The following ARHGAP20 variants were observed in gnomAD, a reference collection of about 807,000 sequenced individuals.
ARHGAP20 encodes the protein Rho GTPase activating protein 20, also known as rho GTPase-activating protein 20.
A neutral mutation model predicts 73.7 loss-of-function variants in ARHGAP20; 34 were observed. The ratio of observed to expected loss-of-function variants is 0.46; its 90% confidence interval spans 0.35 to 0.61. The LOEUF is 0.61. Ranked by LOEUF, ARHGAP20 falls within the 20% of genes least tolerant of loss-of-function variation. ARHGAP20 has a pLI of 0.00. For synonymous variants in ARHGAP20, 523 were observed against 518.2 expected (o/e 1.01, Z -0.13); for missense variants, 1,314 against 1,420.9 (o/e 0.92, Z 1.21).
intron 12 of ARHGAP20, 25 bp from the exon 13 acceptor site, chr11:110,583,762 A>G (rs1432299669): frequency 2.0e-6 from 3 of 1,504,366 alleles, no homozygotes; most frequent in Non-Finnish European, 2.7e-6. Context: ...ATTACTCTTT[A>G]AGCAAGACAT....
chr11:110,671,832 T>A (rs2135069693), intron 2 of ARHGAP20, among the ~76,000 whole-genome samples: 1 of 152,236 alleles, frequency 6.6e-6, no homozygotes, highest in South Asian at 2.1e-4. Flanking sequence ...GAAGTAGATG[T>A]ATACATATAT....
Position 110,606,586 on chromosome 11 carries a change from G to A in ARHGAP20, c.939C>T (p.Arg313=), listed in dbSNP as rs1415264121. The change falls in exon 9 of 15, where the codon CGC becomes CGT. Residue 313 remains arginine (R), a synonymous_variant. Transcript: ENST00000683387. The part of the protein sequence containing the change: ...MQCQFILKPS[R]LAAAQQLSDS... ...CACTCAGTTGCTGGGCTGCAGCCAGGCGGCTGGGCTTCAGGATGAACTGGC... is the reference window on the plus strand; with the variant it reads ...CACTCAGTTGCTGGGCTGCAGCCAGACGGCTGGGCTTCAGGATGAACTGGC... 6.2e-7 allele frequency: 1 copy of A among 1,611,030 alleles called. No homozygotes were observed. The highest frequency in any genetic ancestry group is 8.5e-7 in the Non-Finnish European group (1 of 1,178,952).
At chr11:110,595,091 C>T (rs1052241172) in intron 9 of ARHGAP20, among the ~76,000 whole-genome samples, 6 of 151,534 alleles carry the variant, frequency 4.0e-5, no homozygotes, top group African/African-American at 1.5e-4. Flanking sequence ...CAAAATTCAA[C>T]AACCCTTCAT....
At chr11:110,679,630 C>T (rs1276110276) in intron 2 of ARHGAP20, among the ~76,000 whole-genome samples, 1 of 152,112 alleles carries the variant, frequency 6.6e-6, no homozygotes, top group Admixed American at 6.6e-5. Context: ...AACTGTAGAG[C>T]TGGGGTGAAA....
chr11:110,711,628 GC>G, intron 1 of ARHGAP20: 2 of 1,483,500 alleles, frequency 1.3e-6, no homozygotes, highest in Admixed American at 2.2e-5. Context: ...AGGGGGCCGA[GC>G]CCACCAGCGC....
intron 2 of ARHGAP20, among the ~76,000 whole-genome samples, chr11:110,652,157 A>G (rs1436746516): frequency 6.6e-6 from 1 of 152,196 alleles, no homozygotes; most frequent in Non-Finnish European, 1.5e-5. Flanking sequence ...ATCTCAATAT[A>G]TGTAGAAAAG....
At position 110,624,179 on chromosome 11, in the gene ARHGAP20, G is replaced by T. The variant is rs899914314; in HGVS notation, c.486C>A (p.Asn162Lys). 1.2e-6 allele frequency: 2 copies of T among 1,611,416 alleles called. No homozygotes were observed. Among genetic ancestry groups the T allele is most frequent in the Non-Finnish European group, 1.7e-6 (2 of 1,179,338 alleles). Residue 162 changes from asparagine (N) to lysine (K), a missense_variant, in exon 4 of 15, where the codon AAC becomes AAA. Around this residue, in one of 3 missense-constraint regions of ARHGAP20, gnomAD observed 443 missense variants for 466.4 expected, o/e 0.95. Transcript: ENST00000683387. Reference protein sequence around the residue: ...KSFVLGWPTVNFVATFSSPEQ... With the variant: ...KSFVLGWPTVKFVATFSSPEQ... ...GTTCTTACCTGAAAGTGGCCACAAA[G>T]TTCACTGTGGGCCAGCCCAAAACAA...
At chr11:110,712,898 A>C (rs1187288269), upstream of ARHGAP20, 1 of 152,314 alleles carries the variant, frequency 6.6e-6, no homozygotes, top group Non-Finnish European at 1.5e-5. Flanking sequence ...GGAATCCCCC[A>C]CCCCACCCCA....
intron 14 of ARHGAP20, 126 bp downstream of exon 14, chr11:110,582,195 T>G (rs550799323): frequency 1.3e-6 from 1 of 780,870 alleles, no homozygotes; most frequent in South Asian, 1.5e-5. Flanking sequence ...CTGGGCCCCA[T>G]TGACCTGGAT....
At chr11:110,640,109 C>A (rs957885307) in intron 2 of ARHGAP20, among the ~76,000 whole-genome samples, 1 of 151,936 alleles carries the variant, frequency 6.6e-6, no homozygotes, top group Non-Finnish European at 1.5e-5. Context: ...CACATAAAGT[C>A]ATTTCTTATG....
intron 2 of ARHGAP20, among the ~76,000 whole-genome samples, chr11:110,638,887 T>C (rs138544980): frequency 0.022 from 3,340 of 151,976 alleles, 127 homozygotes; most frequent in African/African-American, 0.076. Context: ...CATTAGGAGA[T>C]ATACCTAATG....
At chr11:110,682,448 A>G (rs12289555) in intron 2 of ARHGAP20, among the ~76,000 whole-genome samples, 3,560 of 152,276 alleles carry the variant, frequency 0.023, 151 homozygotes, top group African/African-American at 0.082. Flanking sequence ...ACCAGGATTT[A>G]GACCTGGCAA....
At chr11:110,637,569 A>G (rs575694287) in intron 2 of ARHGAP20, among the ~76,000 whole-genome samples, 2 of 152,234 alleles carry the variant, frequency 1.3e-5, no homozygotes, top group South Asian at 4.1e-4. Context: ...CAATTACCAT[A>G]TAATAAATTA....
At position 110,607,816 on chromosome 11, in the gene ARHGAP20, A is replaced by G. The variant is rs114960368; in HGVS notation, c.776-1067T>C. 9.8e-3 allele frequency among the ~76,000 whole-genome samples: 1,488 copies of G among 152,322 alleles called. 22 individuals are homozygous for G. The highest frequency in any genetic ancestry group is 0.033 in the African/African-American group (1,376 of 41,574). ...CTAAATCATGGGACAATAATGTCCTATGTCTCATTGTTTTTCAGTAAGAGC... is the reference window on the plus strand; with the variant it reads ...CTAAATCATGGGACAATAATGTCCTGTGTCTCATTGTTTTTCAGTAAGAGC... On this transcript the variant is annotated intron_variant, in intron 8 of 14. Transcript: ENST00000683387.
At chr11:110,600,902 A>C (rs1005237873) in intron 9 of ARHGAP20, among the ~76,000 whole-genome samples, 1 of 152,164 alleles carries the variant, frequency 6.6e-6, no homozygotes, top group African/African-American at 2.4e-5. Flanking sequence ...GTGTAAGGCT[A>C]TTTACTAGGA....
rs1439009238 is a variant in ARHGAP20, at chr11:110,630,828, AT to A, written c.189-37del. On this transcript the variant is annotated intron_variant, in intron 2 of 14. Coordinates refer to ENST00000683387, the MANE Select transcript of ARHGAP20 (RefSeq NM_001384657.1). ...TCAAATGCCACAGATCAGTCAAACGATCATCTTATAGTTGGTCAAGAACTAC... is the reference window on the plus strand; with the variant it reads ...TCAAATGCCACAGATCAGTCAAACGACATCTTATAGTTGGTCAAGAACTAC... 7 of 1,599,390 alleles carry A rather than the reference AT, an allele frequency of 4.4e-6. No homozygotes were observed. In the South Asian group the frequency reaches 4.5e-5, roughly 10 times the overall value.
At chr11:110,607,150 A>G (rs1445958997) in intron 8 of ARHGAP20, among the ~76,000 whole-genome samples, 3 of 152,192 alleles carry the variant, frequency 2.0e-5, no homozygotes, top group African/African-American at 7.2e-5. Context: ...CAAATCTATG[A>G]TTTAAAATAT....
intron 9 of ARHGAP20, among the ~76,000 whole-genome samples, chr11:110,604,513 T>C (rs1417288192): frequency 6.6e-6 from 1 of 152,082 alleles, no homozygotes; most frequent in Non-Finnish European, 1.5e-5. Flanking sequence ...CCCAGAAAAA[T>C]AGTTTTGAAA....
Position 110,580,268 on chromosome 11 carries a change from A to G in ARHGAP20, c.2678T>C (p.Met893Thr). 2 of 1,614,190 alleles carry G rather than the reference A, an allele frequency of 1.2e-6. No individual in the cohort carries two copies. The highest frequency in any genetic ancestry group is 1.7e-6 in the Non-Finnish European group (2 of 1,180,038). Residue 893 changes from methionine to threonine, a missense_variant, in exon 15 of 15, where the codon ATG becomes ACG. Coordinates refer to ENST00000683387, the MANE Select transcript of ARHGAP20 (RefSeq NM_001384657.1). ...DYLKRHKSLQ[M>T]EGQKLINQSL... The stretch of plus-strand genomic sequence containing the variant: ...CTGATTAATGAGCTTCTGCCCCTCC[A>G]TTTGCAAAGACTTATGCCGTTTGAG...
Sources: allele counts gnomAD v4.1 joint callset (sites outside exome capture counted in the v4.1 genomes callset), GRCh38; gene constraint gnomAD v4.1.1; regional missense constraint gnomAD v4.1.1; transcripts MANE v1.5; gene names NCBI Gene and HGNC (gene_info 2026-07-23, HGNC 2026-07-21).